Variants in ANO6 observed in about 807,000 individuals in gnomAD.
ANO6 encodes the protein anoctamin 6.
Under a neutral mutation model 117.5 loss-of-function variants are expected in ANO6, and 106 were observed. The ratio of observed to expected loss-of-function variants is 0.90; its 90% CI spans 0.77 to 1.06. The LOEUF is 1.06. ANO6 is among the 50% of genes least tolerant of loss of function. The probability of loss-of-function intolerance (pLI) is 0.00; values close to 1 mark genes in which losing one functional copy is unlikely to be tolerated. For missense variants in ANO6, 955 were observed against 1,121.1 expected, an observed-to-expected ratio of 0.85 and a Z score of 2.12; for synonymous variants, 367 against 385.1, an observed-to-expected ratio of 0.95 and a Z score of 0.55.
chr12:45,308,143 G>A lies in ANO6; in HGVS notation c.150+6050G>A, dbSNP rs540372331. 8.5e-5 allele frequency among the ~76,000 whole-genome samples: 11 copies of A among 129,336 alleles called. No homozygotes were observed. The South Asian group carries it at 3.0e-3, about 35-fold the overall frequency. The allele number at this position is 129,336 out of a possible 152,430, so 84.8% of individuals were successfully genotyped here. A position where few individuals can be genotyped will look rare whatever the true frequency, so the allele number is the denominator to read the frequency against. ...TTACCGTGAAGAGAGTTTTAAGATG[G>A]CAGGAATTACTGTTTGTCAGGTAGT... On this transcript the variant is annotated intron_variant, in intron 2 of 19. Transcript: ENST00000320560.
intron 10 of ANO6, among the ~76,000 whole-genome samples, chr12:45,382,059 G>A (rs1000362963): frequency 8.5e-5 from 13 of 152,078 alleles, no homozygotes; most frequent in African/African-American, 3.1e-4. Context: ...TAGAATAAGA[G>A]TTCTGCCAAT....
chr12:45,241,945 G>A (rs962916929), intron 1 of ANO6, among the ~76,000 whole-genome samples: 3 of 152,138 alleles, frequency 2.0e-5, no homozygotes, highest in Admixed American at 2.0e-4. Context: ...TGGAAGCTTC[G>A]TGCTAGAGGG....
In ANO6 at chr12:45,306,925, A is replaced by T. The variant is rs536320665; in HGVS notation, c.150+4832A>T. Among the ~76,000 whole-genome samples, 5 of 152,210 alleles carry T rather than the reference A, an allele frequency of 3.3e-5. No homozygotes were observed. In the South Asian group the frequency reaches 1.0e-3, roughly 32 times the overall value. On this transcript the variant is annotated intron_variant, in intron 2 of 19. Coordinates refer to ENST00000320560, the MANE Select transcript of ANO6 (RefSeq NM_001025356.3). ...AAAAACCTCAAGGTGCTGCTGGAGC[A>T]AGTTCTTTGGAAATCTGGAGGAAGA...
At chr12:45,316,674 A>G (rs940034641) in intron 2 of ANO6, among the ~76,000 whole-genome samples, 4 of 152,002 alleles carry the variant, frequency 2.6e-5, no homozygotes, top group Non-Finnish European at 4.4e-5. Context: ...CTGTTGGCTC[A>G]CTTTCTTAGG....
chr12:45,386,173 C>G (rs1056153020), intron 10 of ANO6, among the ~76,000 whole-genome samples: 1 of 152,128 alleles, frequency 6.6e-6, no homozygotes, highest in Non-Finnish European at 1.5e-5. Context: ...TGTAAAAGCT[C>G]CCTGGTCCTT....
At chr12:45,401,492 G>A (rs1942785024) in intron 12 of ANO6, among the ~76,000 whole-genome samples, 1 of 151,910 alleles carries the variant, frequency 6.6e-6, no homozygotes, top group Admixed American at 6.6e-5. Context: ...TTTTTTTAGA[G>A]CAATTTTAGG....
chr12:45,314,052 G>T (rs1315614258), intron 2 of ANO6, among the ~76,000 whole-genome samples: 2 of 151,982 alleles, frequency 1.3e-5, no homozygotes, highest in Non-Finnish European at 2.9e-5. Context: ...AGTTGACGCT[G>T]GTTGGTTGGT....
downstream of ANO6, among the ~76,000 whole-genome samples, chr12:45,436,837 C>T (rs1325414366): frequency 2.0e-5 from 3 of 152,044 alleles, no homozygotes; most frequent in Non-Finnish European, 4.4e-5. Flanking sequence ...TGTGTGGTGG[C>T]AGGCACCTGT....
chr12:45,357,426 TA>T lies in ANO6; in HGVS notation c.998+4del. Reference sequence around the variant, plus strand: ...TAATCAAGATAACTGTACATGGAGGTAACCTCTGTTTATTCCTTGTTGCCAT... The same window carrying T: ...TAATCAAGATAACTGTACATGGAGGTACCTCTGTTTATTCCTTGTTGCCAT... On this transcript the variant is annotated splice_donor_region_variant and intron_variant, in intron 8 of 19. Transcript: ENST00000320560. 1 of 1,613,308 alleles carries T rather than the reference TA, an allele frequency of 6.2e-7. No homozygotes were observed. Among genetic ancestry groups the T allele is most frequent in the Non-Finnish European group, 8.5e-7 (1 of 1,179,988 alleles).
chr12:45,405,953 A>G (rs777011208), intron 15 of ANO6, among the ~76,000 whole-genome samples: 1 of 152,150 alleles, frequency 6.6e-6, no homozygotes, highest in African/African-American at 2.4e-5. Flanking sequence ...ATCCAAAACT[A>G]TACCCACCCC....
chr12:45,417,054 T>G lies in ANO6; in HGVS notation c.2217+150T>G. 3 of 762,676 alleles carry G rather than the reference T, an allele frequency of 3.9e-6. No individual in the cohort carries two copies. The South Asian group carries it at 5.3e-5, about 13-fold the overall frequency. The allele number at this position is 762,676 out of a possible 1,614,324, so 47.2% of individuals were successfully genotyped here. On this transcript the variant is annotated intron_variant, in intron 17 of 19. Transcript: ENST00000320560. ...TGATATAGTTGCTATATATAACCAC[T>G]TGTTAAATGTATTTTCATTTTGTAT...
At chr12:45,242,479 G>A (rs549134313) in intron 1 of ANO6, among the ~76,000 whole-genome samples, 2 of 152,332 alleles carry the variant, frequency 1.3e-5, no homozygotes, top group South Asian at 2.1e-4. Context: ...ACAGACTGTC[G>A]TGGCTTCCCT....
intron 1 of ANO6, among the ~76,000 whole-genome samples, chr12:45,244,922 A>T (rs1244234527): frequency 2.0e-5 from 3 of 152,234 alleles, no homozygotes; most frequent in African/African-American, 7.2e-5. Flanking sequence ...TGAACAATTA[A>T]TGCGGTGACA....
At chr12:45,419,336 C>T (rs1943295253) in intron 17 of ANO6, among the ~76,000 whole-genome samples, 2 of 152,194 alleles carry the variant, frequency 1.3e-5, no homozygotes, top group South Asian at 2.1e-4. Flanking sequence ...TTTTTTGTAG[C>T]TTCTGATGCA....
At chr12:45,279,577 A>G (rs1414101406) in intron 1 of ANO6, among the ~76,000 whole-genome samples, 1 of 152,082 alleles carries the variant, frequency 6.6e-6, no homozygotes, top group Non-Finnish European at 1.5e-5. Flanking sequence ...CTGAGTCCCC[A>G]TTTCACCGTA....
intron 1 of ANO6, among the ~76,000 whole-genome samples, chr12:45,266,736 G>C (rs985108302): frequency 3.3e-5 from 5 of 152,026 alleles, no homozygotes; most frequent in African/African-American, 1.2e-4. Flanking sequence ...AGTGGAGGTT[G>C]CCGTGAGCCA....
At chr12:45,361,316 GTTAAT>G (rs1941549547) in intron 8 of ANO6, among the ~76,000 whole-genome samples, 1 of 151,664 alleles carries the variant, frequency 6.6e-6, no homozygotes, top group Non-Finnish European at 1.5e-5. Context: ...AAATTGTTTC[GTTAAT>G]TTAACTTTTG....
chr12:45,305,203 C>A (rs1215024319), intron 2 of ANO6, among the ~76,000 whole-genome samples: 2 of 152,092 alleles, frequency 1.3e-5, no homozygotes, highest in Admixed American at 6.6e-5. Context: ...TAGACACACT[C>A]CAAAGTAAGA....
intron 13 of ANO6, 32 bp downstream of exon 13, chr12:45,402,052 G>C: frequency 6.3e-7 from 1 of 1,587,042 alleles, no homozygotes; most frequent in Non-Finnish European, 8.6e-7. Flanking sequence ...GGTAACTTCT[G>C]ACATATTTTT....
Sources: allele counts gnomAD v4.1 joint callset (sites outside exome capture counted in the v4.1 genomes callset), GRCh38; gene constraint gnomAD v4.1.1; transcripts MANE v1.5; gene names NCBI Gene and HGNC (gene_info 2026-07-23, HGNC 2026-07-21).